Variants in UGT3A1 observed in about 807,000 individuals in gnomAD.
UGT3A1 encodes the protein UDP glycosyltransferase family 3 member A1.
A neutral mutation model predicts 37.6 loss-of-function variants in UGT3A1; 40 were observed. The observed-to-expected ratio is 1.06, with a 90% CI of 0.83 to 1.38. The LOEUF is 1.38. Among genes scored for constraint, UGT3A1 ranks in the 40% most tolerant of loss-of-function variants. The pLI is 0.00. For synonymous variants in UGT3A1, 256 were observed against 232.3 expected (o/e 1.10, Z -0.93); for missense variants, 642 against 634.2 (o/e 1.01, Z -0.13).
rs571016143 is a variant in UGT3A1 at position 35,965,154 on chromosome 5, G to A, written c.843+232C>T. On this transcript the variant is annotated intron_variant, in intron 4 of 6. Transcript: ENST00000274278. ...TCATCCCACTGATTCTAAGACCAGG[G>A]CATGGCAAGAGAGGAGCCAATTTAA... is the stretch of plus-strand genomic sequence containing the variant. 2.0e-5 allele frequency among the ~76,000 whole-genome samples: 3 copies of A among 152,278 alleles called. No homozygotes were observed. In the South Asian group the frequency reaches 6.2e-4, roughly 32 times the overall value.
rs1210195071 is a variant in UGT3A1, at chr5:35,952,469, G to A, written c.*1733C>T. 6.6e-6 allele frequency: 1 copy of A among 152,198 alleles called. No individual in the cohort carries two copies. The highest frequency in any genetic ancestry group is 1.5e-5 in the Non-Finnish European group (1 of 68,054). The allele number at this position is 152,198 out of a possible 1,614,324, so 9.4% of individuals were successfully genotyped here. ...GAGCAAGATTAGAAGCATCATTCTG[G>A]CTCATTGGCTGCTTATGATCAGATT... On this transcript the variant is annotated 3_prime_UTR_variant, in exon 7 of 7. Coordinates refer to ENST00000274278, the MANE Select transcript of UGT3A1 (RefSeq NM_152404.4).
intron 2 of UGT3A1, among the ~76,000 whole-genome samples, chr5:35,975,149 C>T (rs1740210864): frequency 1.3e-5 from 2 of 152,230 alleles, no homozygotes; most frequent in African/African-American, 4.8e-5. Context: ...CCTTCCTCAG[C>T]CAACCCTGTC....
At chr5:35,998,268 AT>A (rs1741141224) in intron 1 of UGT3A1, among the ~76,000 whole-genome samples, 2 of 152,334 alleles carry the variant, frequency 1.3e-5, no homozygotes, top group South Asian at 4.1e-4. Flanking sequence ...AAACATGGTG[AT>A]TATCAGAGAC....
intron 2 of UGT3A1, among the ~76,000 whole-genome samples, chr5:35,971,588 G>C (rs1246830560): frequency 6.6e-6 from 1 of 151,960 alleles, no homozygotes; most frequent in East Asian, 1.9e-4. Flanking sequence ...TGAGCCTAGG[G>C]TCTGTGGTAT....
intron 1 of UGT3A1, among the ~76,000 whole-genome samples, chr5:35,997,546 C>A (rs1234427625): frequency 6.6e-6 from 1 of 152,118 alleles, no homozygotes; most frequent in Non-Finnish European, 1.5e-5. Flanking sequence ...CCTACTTCAG[C>A]CTCCAGAGTA....
intron 2 of UGT3A1, chr5:35,997,143 G>T (rs1407774761): frequency 2.6e-5 from 4 of 152,124 alleles, no homozygotes; most frequent in African/African-American, 9.7e-5. Flanking sequence ...GGAGAAGATG[G>T]AGTCTTGTGC....
intron 2 of UGT3A1, among the ~76,000 whole-genome samples, chr5:35,996,589 A>G (rs1184743170): frequency 1.3e-5 from 2 of 152,210 alleles, no homozygotes; most frequent in African/African-American, 4.8e-5. Context: ...GCCCCTGTCA[A>G]TCTTTTGGTC....
rs377569754 is a variant in UGT3A1, at chr5:35,957,248, C to G, written c.1015G>C (p.Asp339His). 3 of 1,614,008 alleles carry G rather than the reference C, an allele frequency of 1.9e-6. No individual in the cohort carries two copies. The African/African-American group carries it at 4.0e-5, about 22-fold the overall frequency. ...TTCACATTTGTGGCCAAATGAACATCTCTGGGCCAATGAGAACTCTGACAT... is the reference window on the plus strand; with the variant it reads ...TTCACATTTGTGGCCAAATGAACATGTCTGGGCCAATGAGAACTCTGACAT... The part of the protein sequence containing the change: ...WTCQSSHWPR[D>H]VHLATNVKIV... Residue 339 changes from aspartate (D) to histidine (H), a missense_variant, in exon 5 of 7, where the codon GAT (aspartate) becomes CAT (histidine). Asp to His is a moderately conservative substitution (Grantham distance 81). Coordinates refer to ENST00000274278, the MANE Select transcript of UGT3A1 (RefSeq NM_152404.4).
At chr5:35,970,574 C>T (rs143237524) in intron 2 of UGT3A1, among the ~76,000 whole-genome samples, 1 of 152,236 alleles carries the variant, frequency 6.6e-6, no homozygotes, top group Non-Finnish European at 1.5e-5. Context: ...AGTCTTAAGA[C>T]TCATTTCCTA....
At chr5:35,976,956 A>AAGAAAGAG (rs1740300901) in intron 2 of UGT3A1, among the ~76,000 whole-genome samples, 1 of 151,460 alleles carries the variant, frequency 6.6e-6, no homozygotes, top group East Asian at 1.9e-4. Context: ...GAGAGAAAGA[A>AAGAAAGAG]AGAAAGAGAG....
chr5:35,992,804 GA>G (rs1165474931), upstream of UGT3A1, among the ~76,000 whole-genome samples: 1 of 152,088 alleles, frequency 6.6e-6, no homozygotes, highest in Non-Finnish European at 1.5e-5. Context: ...TTGCTTTGGA[GA>G]ATTTTATGTT....
In UGT3A1 at chr5:36,000,132, C is replaced by T. The variant is rs564149671; in HGVS notation, c.-160+836G>A. The stretch of plus-strand genomic sequence containing the variant: ...TATCTAAGTTCACGAAGGCATTTCA[C>T]CTCCCCTGGCCCAAAGCACTCCCCC... On this transcript the variant is annotated intron_variant, in intron 1 of 5. Coordinates refer to the UGT3A1 transcript ENST00000625798. Among the ~76,000 whole-genome samples, 4 of 152,324 alleles carry T rather than the reference C, an allele frequency of 2.6e-5. No individual in the cohort carries two copies. In the South Asian group the frequency reaches 8.3e-4, roughly 32 times the overall value.
At position 35,991,271 on chromosome 5, in the gene UGT3A1, C is replaced by T. The variant is rs375309551; in HGVS notation, c.-31G>A. ...CTTCCACAGAAGCAGCGGATCTCAG[C>T]CTGGGCTGCGCGCCCTGCGCCGGGC... On this transcript the variant is annotated 5_prime_UTR_variant, in exon 1 of 7. Transcript: ENST00000274278. The T allele has an allele frequency of 5.6e-6, 9 of 1,613,664 alleles. No homozygotes were observed. Among genetic ancestry groups the T allele is most frequent in the Non-Finnish European group, 7.6e-6 (9 of 1,179,794 alleles).
chr5:35,959,573 G>A (rs571477015), intron 4 of UGT3A1, among the ~76,000 whole-genome samples: 1 of 151,886 alleles, frequency 6.6e-6, no homozygotes, highest in East Asian at 1.9e-4. Context: ...TTTTTTTCTC[G>A]TGGGCAAAAG....
intron 3 of UGT3A1, among the ~76,000 whole-genome samples, chr5:35,967,387 T>C (rs1739852413): frequency 6.6e-6 from 1 of 152,212 alleles, no homozygotes. Flanking sequence ...GGATTTGTGT[T>C]TCTCCTCTTT....
intron 4 of UGT3A1, among the ~76,000 whole-genome samples, chr5:35,960,289 A>C (rs537930783): frequency 1.2e-4 from 19 of 152,362 alleles, no homozygotes; most frequent in African/African-American, 3.4e-4. Flanking sequence ...CATATTACAA[A>C]GTTACAGTAA....
chr5:35,955,736 C>G lies in UGT3A1; in HGVS notation c.1204G>C (p.Val402Leu). ...ATAGAGACACCATAATTTTTGGCTA[C>G]TACTCGGACCATGTTTCCATGCTGG... The part of the protein sequence containing the change: ...GDQHGNMVRV[V>L]AKNYGVSIRL... Residue 402 changes from valine to leucine, a missense_variant, in exon 6 of 7, where the codon GTA (valine) becomes CTA (leucine). Physicochemically the swap from Val to Leu is conservative, Grantham distance 32. Transcript: ENST00000274278. The G allele has an allele frequency of 6.2e-7, 1 of 1,614,214 alleles. No individual in the cohort carries two copies.
upstream of UGT3A1, chr5:35,991,400 C>T: frequency 6.8e-7 from 1 of 1,460,284 alleles, no homozygotes; most frequent in Non-Finnish European, 9.0e-7. Context: ...TGTTCGTTCT[C>T]TTTCCCGCTG....
chr5:35,976,030 T>C (rs1464475580), intron 2 of UGT3A1, among the ~76,000 whole-genome samples: 1 of 152,196 alleles, frequency 6.6e-6, no homozygotes, highest in African/African-American at 2.4e-5. Context: ...CACTCACTAT[T>C]TCCCCTAGTG....
Sources: allele counts gnomAD v4.1 joint callset (sites outside exome capture counted in the v4.1 genomes callset), GRCh38; gene constraint gnomAD v4.1.1; transcripts MANE v1.5; gene names NCBI Gene and HGNC (gene_info 2026-07-23, HGNC 2026-07-21).